Variants in LAMA2 observed in about 807,000 individuals in gnomAD.
LAMA2 encodes laminin subunit alpha-2.
LAMA2 carries 269 observed loss-of-function variants against 364.8 expected under a neutral mutation model. The ratio of observed to expected loss-of-function variants is 0.74; its 90% CI spans 0.67 to 0.82. The LOEUF (loss-of-function observed/expected upper bound fraction) is 0.82, where lower values mean the gene tolerates loss of function less well. LAMA2 is among the 40% of genes least tolerant of loss of function. The pLI is 0.00. For missense variants in LAMA2, 3,807 were observed against 3,873.2 expected (o/e 0.98, Z 0.45); for synonymous variants, 1,379 against 1,370.6 (o/e 1.01, Z -0.14).
Position 129,146,966 on chromosome 6 carries a change from A to G in LAMA2, c.827A>G (p.Tyr276Cys). 1.9e-6 allele frequency: 3 copies of G among 1,606,650 alleles called. No homozygotes were observed. The highest frequency in any genetic ancestry group is 2.6e-6 in the Non-Finnish European group (3 of 1,173,432). Residue 276 changes from tyrosine to cysteine, a missense_variant, in exon 6 of 65, where the codon TAC becomes TGC. Tyr to Cys is a radical substitution (Grantham distance 194, BLOSUM62 -2). Coordinates refer to ENST00000421865, the MANE Select transcript of LAMA2 (RefSeq NM_000426.4). ...CTGGATTGCTTTTTGCAGTATTACT[A>G]CTCGGTCAAGGATATTTCAGTTGGA... The part of the protein sequence containing the change: ...IDPIVTRRYY[Y>C]SVKDISVGGM...
intron 10 of LAMA2, among the ~76,000 whole-genome samples, chr6:129,178,493 A>G (rs1780744378): frequency 6.6e-6 from 1 of 152,210 alleles, no homozygotes; most frequent in African/African-American, 2.4e-5. Flanking sequence ...TATGAAGCAT[A>G]CAGGCATGCA....
intron 40 of LAMA2, among the ~76,000 whole-genome samples, chr6:129,415,496 A>G (rs1045884471): frequency 6.6e-6 from 1 of 152,088 alleles, no homozygotes; most frequent in African/African-American, 2.4e-5. Context: ...CATATACCCT[A>G]TAGTGCAAGT....
intron 1 of LAMA2, among the ~76,000 whole-genome samples, chr6:128,884,757 C>T (rs1478677028): frequency 1.3e-5 from 2 of 152,094 alleles, no homozygotes; most frequent in Middle Eastern, 3.2e-3. Flanking sequence ...CTACTTTTAA[C>T]TATTAAACTT....
rs2114939917 is a variant in LAMA2 at position 129,514,574 on chromosome 6, G to GTGTT, written c.9195_9198dup (p.Gly3067CysfsTer7). Reference sequence around the variant, plus strand: ...TACATCAGCTGACACAAATGACCCTGTGTTTGTTGGAGGCTTCCCAGGTGA... The same window carrying GTGTT: ...TACATCAGCTGACACAAATGACCCTGTGTTTGTTTGTTGGAGGCTTCCCAGGTGA... On this transcript the variant is annotated frameshift_variant, in exon 64 of 65. Coordinates refer to ENST00000421865, the MANE Select transcript of LAMA2 (RefSeq NM_000426.4). LOFTEE classifies it high-confidence loss of function. 1 of 1,614,050 alleles carries GTGTT rather than the reference G, an allele frequency of 6.2e-7. No homozygotes were observed. Among genetic ancestry groups the GTGTT allele is most frequent in the Non-Finnish European group, 8.5e-7 (1 of 1,179,984 alleles).
intron 34 of LAMA2, among the ~76,000 whole-genome samples, chr6:129,376,192 C>T (rs1316410026): frequency 6.6e-6 from 1 of 152,186 alleles, no homozygotes; most frequent in African/African-American, 2.4e-5. Context: ...ATGGTCTGGT[C>T]ATCTGGACCC....
intron 12 of LAMA2, among the ~76,000 whole-genome samples, chr6:129,212,448 A>G (rs1045028598): frequency 2.0e-5 from 3 of 152,058 alleles, no homozygotes; most frequent in Non-Finnish European, 2.9e-5. Flanking sequence ...GTTTTTTTTA[A>G]AATCAGTTTT....
chr6:129,456,416 G>C lies in LAMA2; in HGVS notation c.6789G>C (p.Thr2263=). 6.2e-7 allele frequency: 1 copy of C among 1,613,440 alleles called. No individual in the cohort carries two copies. The highest frequency in any genetic ancestry group is 8.5e-7 in the Non-Finnish European group (1 of 1,179,524). ...TTGTGCCCAGCACACACCATTCGAC[G>C]TCTCCTCCAGGGTACACGATTCTAG... The part of the protein sequence containing the change: ...ASIVPSTHHS[T]SPPGYTILDV... The change falls in exon 48 of 65, where the codon ACG becomes ACC. Residue 2263 remains threonine (T), a synonymous_variant. Transcript: ENST00000421865.
intron 40 of LAMA2, among the ~76,000 whole-genome samples, chr6:129,421,713 C>CA (rs1781083651): frequency 6.6e-6 from 1 of 152,146 alleles, no homozygotes; most frequent in African/African-American, 2.4e-5. Context: ...AGATTGCTGG[C>CA]AGACTGCTTG....
chr6:129,304,438 TA>T (rs1773742909), intron 22 of LAMA2, among the ~76,000 whole-genome samples: 2 of 152,110 alleles, frequency 1.3e-5, no homozygotes, highest in African/African-American at 2.4e-5. Context: ...TAATTTTTTG[TA>T]TTTTTAGTAG....
At chr6:129,217,871 A>T (rs1783527921) in intron 12 of LAMA2, among the ~76,000 whole-genome samples, 1 of 152,168 alleles carries the variant, frequency 6.6e-6, no homozygotes, top group Non-Finnish European at 1.5e-5. Context: ...AGTTTTGAAG[A>T]TCAAATACAA....
chr6:128,893,580 A>C (rs1562804406), intron 1 of LAMA2, among the ~76,000 whole-genome samples: 1 of 151,978 alleles, frequency 6.6e-6, no homozygotes, highest in Non-Finnish European at 1.5e-5. Context: ...CTGAAAGTGT[A>C]CATCAGCTTC....
chr6:129,387,332 A>G lies in LAMA2; in HGVS notation c.5071+4099A>G, dbSNP rs528688196. 5.7e-4 allele frequency among the ~76,000 whole-genome samples: 86 copies of G among 152,204 alleles called. 1 individual carries two copies. The highest frequency in any genetic ancestry group is 1.1e-3 in the Non-Finnish European group (78 of 68,038). ...CTCATCACCACTGATCATTAGAGAAATGCAAGTCAAAACCACAATGAGATA... is the reference window on the plus strand; with the variant it reads ...CTCATCACCACTGATCATTAGAGAAGTGCAAGTCAAAACCACAATGAGATA... On this transcript the variant is annotated intron_variant, in intron 35 of 64. Transcript: ENST00000421865.
intron 1 of LAMA2, among the ~76,000 whole-genome samples, chr6:128,933,899 A>C (rs935661427): frequency 6.6e-6 from 1 of 152,072 alleles, no homozygotes; most frequent in Non-Finnish European, 1.5e-5. Context: ...TTGCCTTTTT[A>C]TTTTGTTGAT....
At chr6:129,448,287 C>CA (rs11443015) in intron 45 of LAMA2, among the ~76,000 whole-genome samples, 2,045 of 147,226 alleles carry the variant, frequency 0.014, 54 homozygotes, top group African/African-American at 0.048. Flanking sequence ...TGTCCCCCCC[C>CA]AAAAAAAAAG....
chr6:128,993,605 G>A (rs909736406), intron 1 of LAMA2, among the ~76,000 whole-genome samples: 2 of 152,050 alleles, frequency 1.3e-5, no homozygotes, highest in African/African-American at 4.8e-5. Context: ...TTTTATGGTT[G>A]ACAGTCGTGG....
At chr6:129,285,764 T>C (rs200577878) in intron 18 of LAMA2, among the ~76,000 whole-genome samples, 2 of 152,104 alleles carry the variant, frequency 1.3e-5, no homozygotes, top group Non-Finnish European at 2.9e-5. Context: ...ATCAAATGCC[T>C]CTCTTGAAGG....
At chr6:129,039,806 A>G (rs892785380) in intron 1 of LAMA2, among the ~76,000 whole-genome samples, 1 of 152,180 alleles carries the variant, frequency 6.6e-6, no homozygotes, top group Non-Finnish European at 1.5e-5. Context: ...GTGAGAGTCT[A>G]ATGCTGTTGC....
chr6:129,413,085 G>A (rs535464097), intron 40 of LAMA2, among the ~76,000 whole-genome samples: 65 of 152,254 alleles, frequency 4.3e-4, no homozygotes, highest in African/African-American at 1.5e-3. Flanking sequence ...AATCTTAGGG[G>A]AACAGAAAGA....
intron 41 of LAMA2, among the ~76,000 whole-genome samples, chr6:129,428,237 C>T (rs184635283): frequency 1.1e-4 from 17 of 152,144 alleles, no homozygotes; most frequent in Non-Finnish European, 1.9e-4. Flanking sequence ...TGAGACCAGC[C>T]GGGGAAACAT....
Sources: allele counts gnomAD v4.1 joint callset (sites outside exome capture counted in the v4.1 genomes callset), GRCh38; gene constraint gnomAD v4.1.1; transcripts MANE v1.5; gene names NCBI Gene and HGNC (gene_info 2026-07-23, HGNC 2026-07-21).